Variants in GRIK2 observed in about 807,000 individuals in gnomAD.
GRIK2 encodes the protein glutamate receptor ionotropic, kainate 2.
In GRIK2, 32 loss-of-function variants were observed where a neutral mutation model predicts 100.3. The observed-to-expected ratio is 0.32, with a 90% confidence interval of 0.24 to 0.43. The LOEUF is 0.43. Among genes scored for constraint, GRIK2 ranks in the 20% least tolerant of loss-of-function variants. GRIK2 has a pLI of 1.00. For missense variants in GRIK2, 843 were observed against 1,114.9 expected, an observed-to-expected ratio of 0.76 and a Z score of 3.47; for synonymous variants, 417 against 389.4, an observed-to-expected ratio of 1.07 and a Z score of -0.83.
In GRIK2 at chr6:101,565,915, T is replaced by A. The variant is rs866643652; in HGVS notation, c.116-56034T>A. On this transcript the variant is annotated intron_variant, in intron 2 of 16. Coordinates refer to ENST00000369134, the MANE Select transcript of GRIK2 (RefSeq NM_021956.5). The stretch of plus-strand genomic sequence containing the variant: ...CAATCTTTATCTTTATATACCTATT[T>A]TATATATATATATATATGTGTATAT... 2.1e-3 allele frequency among the ~76,000 whole-genome samples: 253 copies of A among 123,302 alleles called. 2 individuals carry two copies. Among genetic ancestry groups the A allele is most frequent in the African/African-American group, 7.8e-3 (223 of 28,654 alleles). 80.9% of individuals were successfully genotyped at this position (123,302 alleles called of 152,430 possible).
chr6:101,771,237 T>G (rs1778383731), intron 7 of GRIK2, among the ~76,000 whole-genome samples: 1 of 152,016 alleles, frequency 6.6e-6, no homozygotes, highest in Non-Finnish European at 1.5e-5. Flanking sequence ...TTTTTTTTCT[T>G]TTTTCATTAA....
At position 101,584,219 on chromosome 6, in the gene GRIK2, G is replaced by A. The variant is rs184521146; in HGVS notation, c.116-37730G>A. 2.1e-3 allele frequency among the ~76,000 whole-genome samples: 321 copies of A among 152,108 alleles called. 1 individual carries two copies. The highest frequency in any genetic ancestry group is 7.4e-3 in the African/African-American group (306 of 41,538). On this transcript the variant is annotated intron_variant, in intron 2 of 16. Transcript: ENST00000369134. ...GTTTTACTTTCCTAGATTTAGTGAT[G>A]CAAAGCAGGTCACTTAAGAGCAATA... is the stretch of plus-strand genomic sequence containing the variant.
intron 14 of GRIK2, among the ~76,000 whole-genome samples, chr6:101,956,073 CAAGTTTTATTATGTCACGTAT>C (rs1382478342): frequency 6.6e-6 from 1 of 152,068 alleles, no homozygotes; most frequent in Non-Finnish European, 1.5e-5. Context: ...CTTCATCCTA[CAAGTTTTATTATGTCACGTAT>C]TTTTATTCAG....
At chr6:101,742,377 A>G (rs1022975426) in intron 7 of GRIK2, among the ~76,000 whole-genome samples, 7 of 152,174 alleles carry the variant, frequency 4.6e-5, no homozygotes, top group African/African-American at 1.7e-4. Flanking sequence ...GGTGTGGGGT[A>G]AGATGATTGA....
At position 101,790,884 on chromosome 6, in the gene GRIK2, C is replaced by A. The variant is rs1321743081; in HGVS notation, c.952-8764C>A. Among the ~76,000 whole-genome samples the A allele has an allele frequency of 1.3e-4, 20 of 151,620 alleles. No homozygotes were observed. The South Asian group carries it at 2.9e-3, about 22-fold the overall frequency. ...CTATTGATTATTGCCACAATTTCAG[C>A]TCCTGTTATTGGTCTATTCAGAGAT... On this transcript the variant is annotated intron_variant, in intron 7 of 16. Transcript: ENST00000369134.
chr6:101,576,806 T>G (rs1562237424), intron 2 of GRIK2, among the ~76,000 whole-genome samples: 1 of 152,046 alleles, frequency 6.6e-6, no homozygotes, highest in African/African-American at 2.4e-5. Flanking sequence ...GCTGCCTGCT[T>G]GCTGATTTTC....
chr6:101,759,882 TA>T (rs1282143943), intron 7 of GRIK2, among the ~76,000 whole-genome samples: 1 of 135,582 alleles, frequency 7.4e-6, no homozygotes, highest in Admixed American at 7.2e-5. Flanking sequence ...TTTTTATTTT[TA>T]TTTTTTTTTG....
intron 2 of GRIK2, among the ~76,000 whole-genome samples, chr6:101,565,884 T>G (rs1220128064): frequency 3.4e-5 from 5 of 145,782 alleles, no homozygotes; most frequent in Non-Finnish European, 7.5e-5. Context: ...ACCAATATAA[T>G]TCTGCCAATC....
intron 15 of GRIK2, among the ~76,000 whole-genome samples, chr6:102,048,165 G>A (rs1770996013): frequency 6.6e-6 from 1 of 151,058 alleles, no homozygotes; most frequent in African/African-American, 2.4e-5. Context: ...ACAAGCAGAA[G>A]ACGTAATTTG....
intron 14 of GRIK2, among the ~76,000 whole-genome samples, chr6:101,954,489 T>C (rs1177346245): frequency 1.3e-5 from 2 of 152,106 alleles, no homozygotes; most frequent in African/African-American, 4.8e-5. Context: ...ATAACAATTT[T>C]TATAATTTCA....
intron 7 of GRIK2, among the ~76,000 whole-genome samples, chr6:101,710,218 G>T (rs1773601868): frequency 1.3e-5 from 2 of 151,882 alleles, no homozygotes; most frequent in South Asian, 4.1e-4. Context: ...CTCCTGTGAT[G>T]ACAAGGCAGT....
Position 102,023,327 on chromosome 6 carries a change from A to G in GRIK2, c.2086-12014A>G, listed in dbSNP as rs200325431. Among the ~76,000 whole-genome samples the G allele has an allele frequency of 1.1e-4, 17 of 151,616 alleles. No individual in the cohort carries two copies. The East Asian group carries it at 3.3e-3, about 30-fold the overall frequency. On this transcript the variant is annotated intron_variant, in intron 14 of 16. Coordinates refer to ENST00000369134, the MANE Select transcript of GRIK2 (RefSeq NM_021956.5). ...GGCTTGAACATGTTTAAATGTTGTC[A>G]GTAAAAAGGGAGGGGTAAAAAAAGA...
chr6:101,454,332 A>G (rs1770877687), intron 2 of GRIK2, among the ~76,000 whole-genome samples: 1 of 152,108 alleles, frequency 6.6e-6, no homozygotes. Context: ...AGAATGATCT[A>G]TGATTTATGG....
intron 2 of GRIK2, among the ~76,000 whole-genome samples, chr6:101,528,727 A>G (rs1181663285): frequency 6.6e-6 from 1 of 152,178 alleles, no homozygotes; most frequent in African/African-American, 2.4e-5. Flanking sequence ...GTTTAGTTAA[A>G]TGGTTGACTT....
At chr6:101,569,361 GTAAT>G (rs1293724761) in intron 2 of GRIK2, among the ~76,000 whole-genome samples, 1 of 151,696 alleles carries the variant, frequency 6.6e-6, no homozygotes, top group African/African-American at 2.4e-5. Flanking sequence ...GCTTTTAAAA[GTAAT>G]TAAGTAGATG....
In GRIK2 at chr6:102,035,325, T is replaced by C. The variant is rs747842403; in HGVS notation, c.2086-16T>C. The C allele has an allele frequency of 9.5e-6, 14 of 1,479,788 alleles. No homozygotes were observed. The highest frequency in any genetic ancestry group is 1.7e-5 in the Admixed American group (1 of 58,250). 91.7% of individuals were successfully genotyped at this position (1,479,788 alleles called of 1,614,324 possible). On this transcript the variant is annotated splice_polypyrimidine_tract_variant and intron_variant, in intron 14 of 16. Transcript: ENST00000369134. ...GAATAACTTTCTCGTGACCAACTTA[T>C]ATTTATTTTCTTCAGAAATCAAAAA...
intron 7 of GRIK2, among the ~76,000 whole-genome samples, chr6:101,746,542 G>A (rs548716836): frequency 6.6e-6 from 1 of 152,168 alleles, no homozygotes; most frequent in South Asian, 2.1e-4. Context: ...GGCCAGGCTG[G>A]TCTTGAACTC....
chr6:101,970,316 G>A lies in GRIK2; in HGVS notation c.2085+41684G>A, dbSNP rs574512264. 2.0e-5 allele frequency among the ~76,000 whole-genome samples: 3 copies of A among 151,742 alleles called. No homozygotes were observed. The South Asian group carries it at 6.2e-4, about 32-fold the overall frequency. The stretch of plus-strand genomic sequence containing the variant: ...CCAAAATTTGGGCTTGGCCCAGGAT[G>A]GTTCTTGCCATCACCCAGGAAAGAA... On this transcript the variant is annotated intron_variant, in intron 14 of 16. Coordinates refer to ENST00000369134, the MANE Select transcript of GRIK2 (RefSeq NM_021956.5).
intron 7 of GRIK2, among the ~76,000 whole-genome samples, chr6:101,694,091 T>G (rs1459464635): frequency 6.6e-6 from 1 of 152,084 alleles, no homozygotes. Context: ...GTCTGAGAAC[T>G]GACAACATTC....
Sources: allele counts gnomAD v4.1 joint callset (sites outside exome capture counted in the v4.1 genomes callset), GRCh38; gene constraint gnomAD v4.1.1; transcripts MANE v1.5; gene names NCBI Gene and HGNC (gene_info 2026-07-23, HGNC 2026-07-21).